Variants in CHL1 observed in about 807,000 individuals in gnomAD.
CHL1 encodes cell adhesion molecule L1 like, also known as neural cell adhesion molecule L1-like protein.
A neutral mutation model predicts 141.9 loss-of-function variants in CHL1; 96 were observed. The ratio of observed to expected loss-of-function variants is 0.68; its 90% CI spans 0.57 to 0.80. The LOEUF (loss-of-function observed/expected upper bound fraction) is 0.80. CHL1 is among the 30% of genes least tolerant of loss of function. The pLI is 0.00. For missense variants in CHL1, 1,820 were observed against 1,457.2 expected (o/e 1.25, Z -4.05); for synonymous variants, 613 against 502.2 (o/e 1.22, Z -2.95).
intron 8 of CHL1, 55 bp downstream of exon 8, chr3:343,086 A>G: frequency 1.4e-6 from 2 of 1,413,772 alleles, no homozygotes; most frequent in Non-Finnish European, 1.9e-6. Flanking sequence ...TTGTCATCTC[A>G]GATTTTGAAT....
chr3:391,089 A>G lies in CHL1; in HGVS notation c.2721A>G (p.Thr907=), dbSNP rs200699537. Residue 907 remains threonine (T), a synonymous_variant, in exon 22 of 28, where the codon ACA becomes ACG. Transcript: ENST00000256509. The part of the protein sequence containing the change: ...SLDAFSEFHL[T]VLAYNSKGAG... ...ATGCCTTTAGTGAATTTCATTTAAC[A>G]GTCTTAGCCTATAACTCTAAAGGAG... is the stretch of plus-strand genomic sequence containing the variant. 43 of 1,613,908 alleles carry G rather than the reference A, an allele frequency of 2.7e-5. No homozygotes were observed. The highest frequency in any genetic ancestry group is 1.6e-4 in the Middle Eastern group (1 of 6,084).
intron 1 of CHL1, among the ~76,000 whole-genome samples, chr3:212,756 C>T (rs1700005588): frequency 5.9e-5 from 9 of 152,174 alleles, no homozygotes; most frequent in Admixed American, 5.9e-4. Context: ...CAGCTCACTG[C>T]TCTTGTCTTC....
intron 19 of CHL1, among the ~76,000 whole-genome samples, chr3:386,999 A>T (rs914150945): frequency 6.6e-6 from 1 of 152,224 alleles, no homozygotes; most frequent in Non-Finnish European, 1.5e-5. Context: ...GTTGTACATA[A>T]TAAGTAGATA....
At chr3:209,597 G>T (rs1220055952) in intron 1 of CHL1, among the ~76,000 whole-genome samples, 6 of 151,928 alleles carry the variant, frequency 3.9e-5, no homozygotes, top group Non-Finnish European at 2.9e-5. Flanking sequence ...CAAGTTTTAG[G>T]GTACATGTGC....
At chr3:387,089 CT>C (rs1342683535) in intron 19 of CHL1, among the ~76,000 whole-genome samples, 1 of 152,170 alleles carries the variant, frequency 6.6e-6, no homozygotes, top group African/African-American at 2.4e-5. Flanking sequence ...GGCAGTCTTT[CT>C]GTTTTCTAGA....
chr3:360,574 A>T (rs1187574512), intron 12 of CHL1, 150 bp downstream of exon 12: 2 of 739,772 alleles, frequency 2.7e-6, no homozygotes, highest in Non-Finnish European at 4.2e-6. Context: ...TAGACTTCAC[A>T]CTGAAATTGT....
chr3:385,260 C>G (rs1045719184), intron 19 of CHL1, among the ~76,000 whole-genome samples: 2 of 152,096 alleles, frequency 1.3e-5, no homozygotes, highest in African/African-American at 4.8e-5. Flanking sequence ...AGAAGCACAT[C>G]ATGTTCCAGT....
intron 2 of CHL1, among the ~76,000 whole-genome samples, chr3:264,773 C>A (rs780163070): frequency 6.6e-6 from 1 of 152,198 alleles, no homozygotes; most frequent in Non-Finnish European, 1.5e-5. Flanking sequence ...ACAACAAAGA[C>A]CTTCTGTCTC....
At chr3:198,201 TGTG>T in intron 1 of CHL1, 1 of 172,146 alleles carries the variant, frequency 5.8e-6, no homozygotes, top group Admixed American at 6.2e-5. Context: ...GGAGGGCAGG[TGTG>T]CGTCGGCAGG....
At chr3:227,206 A>T (rs1394231046) in intron 1 of CHL1, among the ~76,000 whole-genome samples, 1 of 152,220 alleles carries the variant, frequency 6.6e-6, no homozygotes, top group Non-Finnish European at 1.5e-5. Flanking sequence ...AGTAGTTTTT[A>T]AAATATTCCT....
chr3:253,365 T>G (rs970169865), intron 2 of CHL1, among the ~76,000 whole-genome samples: 1 of 152,108 alleles, frequency 6.6e-6, no homozygotes, highest in Admixed American at 6.6e-5. Flanking sequence ...GATGCTGAAG[T>G]AACAGAGCTG....
At chr3:400,811 T>C (rs1280638532) in intron 26 of CHL1, among the ~76,000 whole-genome samples, 1 of 150,300 alleles carries the variant, frequency 6.7e-6, no homozygotes, top group Non-Finnish European at 1.5e-5. Context: ...AAAAAAGTAA[T>C]AATAAAATAA....
At position 361,740 on chromosome 3, in the gene CHL1, G is replaced by A. The variant is rs368839091; in HGVS notation, c.1348G>A (p.Ala450Thr). ...LIQTKDGENY[A>T]TVVGYSAFLH... is the part of the protein sequence containing the mutation. Reference sequence around the variant, plus strand: ...ACAAACCAAAGATGGAGAAAATTACGCTACAGTGGTTGGGTACAGTGCTTT... The same window carrying A: ...ACAAACCAAAGATGGAGAAAATTACACTACAGTGGTTGGGTACAGTGCTTT... Residue 450 changes from alanine to threonine, a missense_variant, in exon 13 of 28, where the codon GCT becomes ACT. Ala to Thr is a moderately conservative substitution (Grantham distance 58). Coordinates refer to ENST00000256509, the MANE Select transcript of CHL1 (RefSeq NM_006614.4). 1.5e-5 allele frequency: 24 copies of A among 1,613,324 alleles called. No homozygotes were observed. Among genetic ancestry groups the A allele is most frequent in the East Asian group, 2.2e-5 (1 of 44,882 alleles).
chr3:291,462 C>CTTTTTT (rs71619447), intron 2 of CHL1, among the ~76,000 whole-genome samples: 3 of 148,672 alleles, frequency 2.0e-5, no homozygotes, highest in African/African-American at 7.4e-5. Flanking sequence ...TTTTCTTTTT[C>CTTTTTT]TTTTTTTTAA....
intron 2 of CHL1, among the ~76,000 whole-genome samples, chr3:307,506 A>G (rs1046092834): frequency 6.6e-6 from 1 of 152,170 alleles, no homozygotes; most frequent in Non-Finnish European, 1.5e-5. Flanking sequence ...AGGAAAAAAC[A>G]CTCATTGCAA....
chr3:251,196 C>T (rs763582934), intron 2 of CHL1, among the ~76,000 whole-genome samples: 1 of 152,028 alleles, frequency 6.6e-6, no homozygotes, highest in East Asian at 1.9e-4. Context: ...TGATTGGGAA[C>T]TTTATTAGAA....
intron 24 of CHL1, among the ~76,000 whole-genome samples, chr3:396,256 T>A (rs532227672): frequency 1.4e-4 from 22 of 152,290 alleles, no homozygotes; most frequent in Admixed American, 2.6e-4. Context: ...AAGGTTCTTA[T>A]GTCTGAAGCA....
At chr3:335,975 C>T (rs116815106) in intron 5 of CHL1, among the ~76,000 whole-genome samples, 1,630 of 152,260 alleles carry the variant, frequency 0.011, 31 homozygotes, top group African/African-American at 0.037. Context: ...CTATTTTAAT[C>T]GATTCATGTG....
At chr3:292,348 T>G (rs1315102219) in intron 2 of CHL1, among the ~76,000 whole-genome samples, 1 of 152,218 alleles carries the variant, frequency 6.6e-6, no homozygotes, top group Non-Finnish European at 1.5e-5. Flanking sequence ...TCACAAAGCT[T>G]TACTTGACTT....
Sources: gnomAD v4.1 joint callset for allele counts (sites outside exome capture counted in the v4.1 genomes callset) on GRCh38, gnomAD v4.1.1 for gene constraint, MANE v1.5 for transcripts, NCBI Gene and HGNC (gene_info 2026-07-23, HGNC 2026-07-21) for gene names.